SPECC1L: variants seen among roughly 807,000 people sequenced by gnomAD.
SPECC1L encodes sperm antigen with calponin homology and coiled-coil domains 1 like.
Under a neutral mutation model 116.8 loss-of-function variants are expected in SPECC1L, and 40 were observed. That is an observed-to-expected ratio of 0.34 (90% confidence interval 0.27 to 0.45). SPECC1L has a LOEUF of 0.45. Ranked by LOEUF, SPECC1L falls within the 20% of genes least tolerant of loss-of-function variation. The pLI is 1.00. For missense variants in SPECC1L, 1,110 were observed against 1,373.6 expected (o/e 0.81, Z 3.03); for synonymous variants, 504 against 500.6 (o/e 1.01, Z -0.09).
At chr22:24,354,497 T>G (rs575340059) in intron 11 of SPECC1L, among the ~76,000 whole-genome samples, 1 of 152,326 alleles carries the variant, frequency 6.6e-6, no homozygotes, top group East Asian at 1.9e-4. Context: ...GTTGTCAGGT[T>G]ATTCCATCAG....
intron 4 of SPECC1L, among the ~76,000 whole-genome samples, chr22:24,316,483 A>G (rs1243821227): frequency 1.3e-5 from 2 of 151,324 alleles, no homozygotes; most frequent in Non-Finnish European, 2.9e-5. Context: ...GATGACTCTG[A>G]ACGAGCATGC....
At chr22:24,317,045 C>T (rs1389510413) in intron 4 of SPECC1L, among the ~76,000 whole-genome samples, 1 of 121,696 alleles carries the variant, frequency 8.2e-6, no homozygotes, top group South Asian at 2.7e-4. Flanking sequence ...GCTGACCCCC[C>T]CACCTCCCTC....
At chr22:24,411,028 T>C (rs1481653164) in intron 14 of SPECC1L, among the ~76,000 whole-genome samples, 5 of 149,352 alleles carry the variant, frequency 3.3e-5, no homozygotes, top group Non-Finnish European at 6.0e-5. Flanking sequence ...CTACTGAAAA[T>C]ACAAAAAAAA....
rs1569425012 is a variant in SPECC1L, at chr22:24,334,529, C to G, written c.2516C>G (p.Pro839Arg). 6.2e-7 allele frequency: 1 copy of G among 1,614,026 alleles called. No individual in the cohort carries two copies. The highest frequency in any genetic ancestry group is 1.7e-5 in the Admixed American group (1 of 60,002). Residue 839 changes from proline (P) to arginine (R), a missense_variant, in exon 9 of 17, where the codon CCT becomes CGT. By Grantham distance (103) the Pro-to-Arg change is moderately radical. Coordinates refer to ENST00000314328, the MANE Select transcript of SPECC1L (RefSeq NM_015330.6). The stretch of plus-strand genomic sequence containing the variant: ...TCCTCGACTTCCTCAGAGCCAACTC[C>G]TACAGTAAAAACCCTCATCAAGTCC... ...RRSSTSSEPT[P>R]TVKTLIKSFD...
intron 6 of SPECC1L, among the ~76,000 whole-genome samples, chr22:24,328,132 T>TG (rs2040867736): frequency 6.6e-6 from 1 of 152,188 alleles, no homozygotes; most frequent in African/African-American, 2.4e-5. Flanking sequence ...AAAGAGAAGG[T>TG]GACTTCCCTT....
intron 10 of SPECC1L, among the ~76,000 whole-genome samples, chr22:24,340,665 AATACTT>A (rs1191132235): frequency 6.6e-6 from 1 of 152,200 alleles, no homozygotes; most frequent in African/African-American, 2.4e-5. Context: ...GCAAAAAACT[AATACTT>A]ATGAGCTACA....
intron 2 of SPECC1L, among the ~76,000 whole-genome samples, chr22:24,279,044 G>A (rs975011341): frequency 2.6e-5 from 4 of 152,206 alleles, no homozygotes; most frequent in East Asian, 1.9e-4. Context: ...GAAAGGTTCC[G>A]AAGGATGCAA....
chr22:24,277,499 C>G (rs964736430), intron 2 of SPECC1L, among the ~76,000 whole-genome samples: 6 of 152,180 alleles, frequency 3.9e-5, no homozygotes, highest in African/African-American at 1.4e-4. Context: ...TTCAATACCT[C>G]AAAAAGAAGT....
intron 11 of SPECC1L, among the ~76,000 whole-genome samples, chr22:24,362,907 T>C (rs1005195288): frequency 6.6e-6 from 1 of 152,232 alleles, no homozygotes; most frequent in Non-Finnish European, 1.5e-5. Context: ...TGTAGGCACA[T>C]GAAAGCAAAG....
chr22:24,344,592 CAA>C (rs35725042), intron 10 of SPECC1L, among the ~76,000 whole-genome samples: 58,716 of 117,642 alleles, frequency 0.5, 12,481 homozygotes, highest in Admixed American at 0.6. Flanking sequence ...TGCATAAGAC[CAA>C]AAAAAAAAAA....
Position 24,302,315 on chromosome 22 carries a change from T to C in SPECC1L, c.84T>C (p.Pro28=), listed in dbSNP as rs750621737. 6.2e-7 allele frequency: 1 copy of C among 1,614,160 alleles called. No homozygotes were observed. The highest frequency in any genetic ancestry group is 8.5e-7 in the Non-Finnish European group (1 of 1,180,020). ...CGCAAACAGCAGAAAAAATTAAACC[T>C]GAAAACAGCTCTTCAGCATCTACGG... is the stretch of plus-strand genomic sequence containing the variant. ...SKTQTAEKIK[P]ENSSSASTGG... is the part of the protein sequence containing the mutation. The change falls in exon 3 of 17, where the codon CCT becomes CCC. Residue 28 remains proline, a synonymous_variant. Coordinates refer to ENST00000314328, the MANE Select transcript of SPECC1L (RefSeq NM_015330.6).
intron 2 of SPECC1L, among the ~76,000 whole-genome samples, chr22:24,297,013 C>CAA: frequency 6.7e-6 from 1 of 148,648 alleles, no homozygotes; most frequent in Admixed American, 6.7e-5. Flanking sequence ...TGGTGTGATC[C>CAA]CAGCTCACTG....
chr22:24,397,247 C>T (rs1267786468), intron 14 of SPECC1L, among the ~76,000 whole-genome samples: 3 of 152,050 alleles, frequency 2.0e-5, no homozygotes, highest in East Asian at 3.9e-4. Flanking sequence ...GCTTCAGTTC[C>T]TTCTGTAAGC....
At chr22:24,288,348 C>T (rs1480112114) in intron 2 of SPECC1L, among the ~76,000 whole-genome samples, 4 of 152,042 alleles carry the variant, frequency 2.6e-5, no homozygotes, top group Admixed American at 6.5e-5. Flanking sequence ...CCTTGCCTCC[C>T]ACCCAGTTGT....
In SPECC1L at chr22:24,379,467, A is replaced by G. The variant is rs1193267180; in HGVS notation, c.3087+10147A>G. 4.6e-5 allele frequency among the ~76,000 whole-genome samples: 7 copies of G among 152,338 alleles called. No individual in the cohort carries two copies. In the East Asian group the frequency reaches 1.2e-3, roughly 25 times the overall value. ...TTGATTAAATGGAGATAATTCAAAC[A>G]TTAAGTCAGTTATTCCATGCCTCTT... is the stretch of plus-strand genomic sequence containing the variant. On this transcript the variant is annotated intron_variant, in intron 14 of 16. Transcript: ENST00000314328.
chr22:24,369,347 G>A, intron 14 of SPECC1L, 27 bp downstream of exon 14: 1 of 1,559,646 alleles, frequency 6.4e-7, no homozygotes, highest in Non-Finnish European at 8.8e-7. Context: ...TTTGTCCCAT[G>A]TGAGTAATTG....
At chr22:24,300,946 C>T (rs2049364976) in intron 2 of SPECC1L, among the ~76,000 whole-genome samples, 3 of 152,150 alleles carry the variant, frequency 2.0e-5, no homozygotes, top group South Asian at 2.1e-4. Context: ...CCCTTCCTTA[C>T]ACCTTATAAA....
At chr22:24,289,697 C>CTT (rs74338225) in intron 2 of SPECC1L, among the ~76,000 whole-genome samples, 40 of 139,826 alleles carry the variant, frequency 2.9e-4, no homozygotes, top group African/African-American at 9.9e-4. Flanking sequence ...TAACTACCTC[C>CTT]TTTTTTTTTT....
chr22:24,298,419 C>T (rs2049310015), intron 2 of SPECC1L, among the ~76,000 whole-genome samples: 2 of 152,244 alleles, frequency 1.3e-5, no homozygotes, highest in East Asian at 1.9e-4. Flanking sequence ...GTTCTTGAAA[C>T]ATATCCCCCT....
Sources: gnomAD v4.1 joint callset for allele counts (sites outside exome capture counted in the v4.1 genomes callset) on GRCh38, gnomAD v4.1.1 for gene constraint, MANE v1.5 for transcripts, NCBI Gene and HGNC (gene_info 2026-07-23, HGNC 2026-07-21) for gene names.